The following LUZP2 variants were observed in gnomAD, a reference collection of about 807,000 sequenced individuals.
LUZP2 encodes the protein leucine zipper protein 2.
In LUZP2, 52 loss-of-function variants were observed where a neutral mutation model predicts 51.6. The observed-to-expected ratio is 1.01, with a 90% CI of 0.81 to 1.27. The LOEUF is 1.27. Among genes scored for constraint, LUZP2 ranks in the 50% most tolerant of loss-of-function variants. LUZP2 has a pLI of 0.00. For synonymous variants in LUZP2, 154 were observed against 137.3 expected, an observed-to-expected ratio of 1.12 and a Z score of -0.85; for missense variants, 436 against 395.4, an observed-to-expected ratio of 1.10 and a Z score of -0.87.
intron 1 of LUZP2, among the ~76,000 whole-genome samples, chr11:24,598,873 C>T (rs1853531762): frequency 6.6e-6 from 1 of 152,132 alleles, no homozygotes; most frequent in Non-Finnish European, 1.5e-5. Context: ...AGCCTGCTGA[C>T]ACCAGAAAGT....
rs917844280 is a variant in LUZP2, at chr11:24,729,638, A to T, written c.180+352A>T. Among the ~76,000 whole-genome samples, 3 of 151,954 alleles carry T rather than the reference A, an allele frequency of 2.0e-5. No individual in the cohort carries two copies. The East Asian group carries it at 5.8e-4, about 29-fold the overall frequency. ...CCTAGAAGAGAATTTTAAATTCCCC[A>T]CGGGATAATTCTTAAGATTCTTTAA... On this transcript the variant is annotated intron_variant, in intron 2 of 11. Coordinates refer to ENST00000336930, the MANE Select transcript of LUZP2 (RefSeq NM_001009909.4).
intron 1 of LUZP2, among the ~76,000 whole-genome samples, chr11:24,659,633 G>T (rs370949251): frequency 1.3e-5 from 2 of 151,512 alleles, no homozygotes; most frequent in African/African-American, 4.9e-5. Flanking sequence ...TTGGCAGCCC[G>T]TTCAAGCCTA....
intron 9 of LUZP2, among the ~76,000 whole-genome samples, chr11:25,006,717 A>AAT (rs1313630282): frequency 2.0e-5 from 3 of 152,122 alleles, no homozygotes; most frequent in Non-Finnish European, 4.4e-5. Context: ...GGGTCACCAA[A>AAT]ATATGTCTGG....
chr11:24,934,112 G>A (rs191424133), intron 7 of LUZP2, among the ~76,000 whole-genome samples: 14 of 152,262 alleles, frequency 9.2e-5, no homozygotes, highest in African/African-American at 3.1e-4. Flanking sequence ...TGATCAGTTA[G>A]GGTGGGGCAG....
intron 5 of LUZP2, among the ~76,000 whole-genome samples, chr11:24,816,550 T>C (rs1322527572): frequency 6.6e-6 from 1 of 152,046 alleles, no homozygotes; most frequent in Non-Finnish European, 1.5e-5. Flanking sequence ...TATTAATATA[T>C]AACCTTGACC....
At chr11:25,069,423 C>A (rs1217181196) in intron 10 of LUZP2, among the ~76,000 whole-genome samples, 2 of 151,824 alleles carry the variant, frequency 1.3e-5, no homozygotes, top group Non-Finnish European at 2.9e-5. Context: ...TGGTACATAA[C>A]AGATACCTGG....
chr11:24,933,719 C>A (rs1045634922), intron 7 of LUZP2, among the ~76,000 whole-genome samples: 2 of 152,006 alleles, frequency 1.3e-5, no homozygotes, highest in African/African-American at 2.4e-5. Context: ...TACTGTCATG[C>A]GCATCTGTGT....
At chr11:24,937,793 T>C (rs1014621521) in intron 7 of LUZP2, among the ~76,000 whole-genome samples, 1 of 149,726 alleles carries the variant, frequency 6.7e-6, no homozygotes, top group Non-Finnish European at 1.5e-5. Flanking sequence ...TCCAGACACA[T>C]GGGAGGCTGA....
chr11:25,074,539 C>T (rs1260276300), intron 10 of LUZP2, among the ~76,000 whole-genome samples: 2 of 152,052 alleles, frequency 1.3e-5, no homozygotes, highest in African/African-American at 4.8e-5. Flanking sequence ...GTTGTGCTAG[C>T]ATTAATGAAA....
intron 5 of LUZP2, among the ~76,000 whole-genome samples, chr11:24,853,785 G>A (rs1293930241): frequency 6.6e-6 from 1 of 152,090 alleles, no homozygotes; most frequent in Non-Finnish European, 1.5e-5. Flanking sequence ...TTTGATGTTG[G>A]TGACCTACGG....
intron 1 of LUZP2, among the ~76,000 whole-genome samples, chr11:24,535,604 C>A (rs2133833889): frequency 6.6e-6 from 1 of 151,680 alleles, no homozygotes; most frequent in South Asian, 2.1e-4. Flanking sequence ...GGTGCAAATT[C>A]AGTTGCATCT....
chr11:24,959,155 T>C lies in LUZP2; in HGVS notation c.523-17436T>C, dbSNP rs1293123196. On this transcript the variant is annotated intron_variant, in intron 7 of 11. Transcript: ENST00000336930. ...CAGTATCATGCTGTTTTGGTTACTG[T>C]AGGCTTGTAGTATAGTTTGAAGTCA... Among the ~76,000 whole-genome samples the C allele has an allele frequency of 5.3e-5, 8 of 152,176 alleles. No homozygotes were observed. The East Asian group carries it at 1.5e-3, about 29-fold the overall frequency.
intron 1 of LUZP2, among the ~76,000 whole-genome samples, chr11:24,716,854 C>T (rs753875904): frequency 6.6e-6 from 1 of 152,076 alleles, no homozygotes; most frequent in Non-Finnish European, 1.5e-5. Flanking sequence ...CGACATTGCG[C>T]CACTGCACTC....
In LUZP2 at chr11:24,876,114, C is replaced by A. The variant is rs1304905736; in HGVS notation, c.397-29877C>A. 1.6e-4 allele frequency among the ~76,000 whole-genome samples: 24 copies of A among 151,568 alleles called. No individual in the cohort carries two copies. In the East Asian group the frequency reaches 4.1e-3, roughly 26 times the overall value. On this transcript the variant is annotated intron_variant, in intron 5 of 11. Coordinates refer to ENST00000336930, the MANE Select transcript of LUZP2 (RefSeq NM_001009909.4). Reference sequence around the variant, plus strand: ...CAGAAGCTCTTGAGTTTAATTAGATCCCATTTGTCAATTTTGGCTTTTGTT... The same window carrying A: ...CAGAAGCTCTTGAGTTTAATTAGATACCATTTGTCAATTTTGGCTTTTGTT...
chr11:24,962,865 G>A (rs979756452), intron 7 of LUZP2, among the ~76,000 whole-genome samples: 36 of 152,268 alleles, frequency 2.4e-4, no homozygotes, highest in African/African-American at 8.4e-4. Flanking sequence ...CAGTTTTTCT[G>A]CTCTGTTTTT....
chr11:24,970,307 A>G (rs974217455), intron 7 of LUZP2, among the ~76,000 whole-genome samples: 1 of 152,080 alleles, frequency 6.6e-6, no homozygotes, highest in African/African-American at 2.4e-5. Context: ...ATATTATCAT[A>G]TATTTTTTCC....
intron 1 of LUZP2, among the ~76,000 whole-genome samples, chr11:24,613,780 T>A (rs1854198916): frequency 7.2e-6 from 1 of 138,674 alleles, no homozygotes; most frequent in African/African-American, 2.7e-5. Flanking sequence ...AGGATAATGC[T>A]CAGTCACTGG....
At chr11:24,638,562 A>G (rs1171128629) in intron 1 of LUZP2, among the ~76,000 whole-genome samples, 1 of 151,748 alleles carries the variant, frequency 6.6e-6, no homozygotes, top group Admixed American at 6.6e-5. Flanking sequence ...TACATGGCTA[A>G]AGCAGGGCTT....
At chr11:24,515,727 G>A (rs1213388885) in intron 1 of LUZP2, among the ~76,000 whole-genome samples, 3 of 152,074 alleles carry the variant, frequency 2.0e-5, no homozygotes, top group African/African-American at 7.2e-5. Flanking sequence ...TAATAATAAT[G>A]ACAGAACTAA....
Sources: allele counts gnomAD v4.1 joint callset (sites outside exome capture counted in the v4.1 genomes callset), GRCh38; gene constraint gnomAD v4.1.1; transcripts MANE v1.5; gene names NCBI Gene and HGNC (gene_info 2026-07-23, HGNC 2026-07-21).